The following CFAP54 variants were observed in gnomAD, a reference collection of about 807,000 sequenced individuals.
The protein encoded by CFAP54 is cilia and flagella associated protein 54.
CFAP54 carries 290 observed loss-of-function variants against 370.4 expected under a neutral mutation model. The observed-to-expected ratio is 0.78, with a 90% CI of 0.71 to 0.86. The LOEUF (loss-of-function observed/expected upper bound fraction) is 0.86. Ranked by LOEUF, CFAP54 falls within the 40% of genes least tolerant of loss-of-function variation. The probability of loss-of-function intolerance (pLI) is 0.00; values close to 1 mark genes in which losing one functional copy is unlikely to be tolerated. For missense variants in CFAP54, 3,399 were observed against 3,528.7 expected, an observed-to-expected ratio of 0.96 and a Z score of 0.93; for synonymous variants, 1,206 against 1,236.5, an observed-to-expected ratio of 0.98 and a Z score of 0.52.
intron 2 of CFAP54, among the ~76,000 whole-genome samples, chr12:96,502,230 C>A (rs1301641700): frequency 6.6e-6 from 1 of 151,712 alleles, no homozygotes; most frequent in Non-Finnish European, 1.5e-5. Flanking sequence ...ATTAAAGGAA[C>A]AAAGAAAAAG....
At chr12:96,651,926 A>G (rs1417317825) in intron 36 of CFAP54, 111 bp downstream of exon 36, 6 of 697,940 alleles carry the variant, frequency 8.6e-6, no homozygotes, top group South Asian at 6.3e-5. Context: ...TGGTTTGTCT[A>G]CATTTCATTT....
rs565691450 is a variant in CFAP54, at chr12:96,619,238, C to T, written c.3640-2352C>T. ...ATTTTGATATTTGACTTGATTTTGT[C>T]CCTAATATGTTGAGAATTGCCATTC... On this transcript the variant is annotated intron_variant, in intron 26 of 67. Transcript: ENST00000524981. 2.0e-5 allele frequency among the ~76,000 whole-genome samples: 3 copies of T among 152,202 alleles called. No individual in the cohort carries two copies. In the South Asian group the frequency reaches 6.2e-4, roughly 32 times the overall value.
At chr12:96,828,640 T>C (rs948107321) in intron 65 of CFAP54, among the ~76,000 whole-genome samples, 5 of 152,162 alleles carry the variant, frequency 3.3e-5, no homozygotes, top group Non-Finnish European at 7.3e-5. Flanking sequence ...AGTGTCATCA[T>C]GCTATTGACT....
At chr12:96,591,907 A>AT (rs1956129083) in intron 23 of CFAP54, among the ~76,000 whole-genome samples, 3 of 137,520 alleles carry the variant, frequency 2.2e-5, no homozygotes, top group Non-Finnish European at 4.6e-5. Flanking sequence ...AAAAAAAAGA[A>AT]ATATTTTTTT....
chr12:96,647,458 G>A (rs1245620336), intron 33 of CFAP54, among the ~76,000 whole-genome samples: 2 of 72,320 alleles, frequency 2.8e-5, no homozygotes, highest in South Asian at 4.5e-4. Context: ...GGGCGACAGA[G>A]CGAGACTCTG....
chr12:96,620,141 A>G (rs1201446387), intron 26 of CFAP54, among the ~76,000 whole-genome samples: 1 of 152,196 alleles, frequency 6.6e-6, no homozygotes, highest in African/African-American at 2.4e-5. Context: ...AGCATTAGAT[A>G]GGGCTTCTCA....
chr12:96,716,137 TACTA>T (rs1385926116), intron 48 of CFAP54, among the ~76,000 whole-genome samples: 13 of 152,240 alleles, frequency 8.5e-5, no homozygotes, highest in African/African-American at 3.1e-4. Flanking sequence ...CTTTATTTAG[TACTA>T]ACTTTTTACA....
chr12:96,570,194 G>A (rs564677451), intron 19 of CFAP54, among the ~76,000 whole-genome samples: 5 of 152,062 alleles, frequency 3.3e-5, no homozygotes, highest in South Asian at 2.1e-4. Flanking sequence ...GCATGGTCTC[G>A]AAATCCTGGG....
intron 63 of CFAP54, among the ~76,000 whole-genome samples, chr12:96,807,012 G>C (rs1958889076): frequency 6.6e-6 from 1 of 152,138 alleles, no homozygotes; most frequent in Non-Finnish European, 1.5e-5. Context: ...AGTTTGTGAA[G>C]CACTGGTCTG....
At chr12:96,762,951 G>A (rs1463683173) in intron 58 of CFAP54, among the ~76,000 whole-genome samples, 1 of 151,996 alleles carries the variant, frequency 6.6e-6, no homozygotes, top group African/African-American at 2.4e-5. Context: ...TTTTCTCTGG[G>A]AGTCTTCTAG....
At chr12:96,659,188 G>A (rs934802425) in intron 38 of CFAP54, among the ~76,000 whole-genome samples, 1 of 152,164 alleles carries the variant, frequency 6.6e-6, no homozygotes, top group East Asian at 1.9e-4. Flanking sequence ...AGGTGGGGGG[G>A]TTCTGCCCCA....
chr12:96,819,878 C>T (rs948362689), intron 65 of CFAP54, among the ~76,000 whole-genome samples: 2 of 152,216 alleles, frequency 1.3e-5, no homozygotes, highest in African/African-American at 2.4e-5. Flanking sequence ...TGCTCTCATG[C>T]CTGCTGCATA....
At chr12:96,593,946 A>G (rs1212064720) in intron 24 of CFAP54, among the ~76,000 whole-genome samples, 1 of 152,024 alleles carries the variant, frequency 6.6e-6, no homozygotes, top group Non-Finnish European at 1.5e-5. Flanking sequence ...GCAATATTAT[A>G]GAGATGTTAT....
chr12:96,842,473 A>G (rs893848714), intron 66 of CFAP54, among the ~76,000 whole-genome samples: 3 of 152,098 alleles, frequency 2.0e-5, no homozygotes, highest in African/African-American at 4.8e-5. Flanking sequence ...TGTTCTCCAT[A>G]TTGGCAGTTT....
At chr12:96,621,801 T>C in intron 27 of CFAP54, 80 bp downstream of exon 27, 1 of 1,045,234 alleles carries the variant, frequency 9.6e-7, no homozygotes. Context: ...TTAAACATAT[T>C]AGAAAATTGG....
chr12:96,623,651 A>G, intron 27 of CFAP54, 116 bp from the exon 28 acceptor site: 1 of 607,010 alleles, frequency 1.6e-6, no homozygotes. Flanking sequence ...TATGTAGATC[A>G]TAGTTTTATC....
chr12:96,675,693 A>G (rs1469001931), intron 39 of CFAP54, among the ~76,000 whole-genome samples: 4 of 152,276 alleles, frequency 2.6e-5, no homozygotes, highest in Admixed American at 6.5e-5. Context: ...CAAGCCAAAT[A>G]TCCAACAATG....
intron 1 of CFAP54, among the ~76,000 whole-genome samples, chr12:96,497,586 G>C (rs1051851326): frequency 1.3e-5 from 2 of 152,114 alleles, no homozygotes; most frequent in Non-Finnish European, 2.9e-5. Context: ...CTTGCCAGGC[G>C]TGACCCATGG....
intron 63 of CFAP54, among the ~76,000 whole-genome samples, chr12:96,801,030 T>G (rs541474665): frequency 6.6e-6 from 1 of 152,168 alleles, no homozygotes; most frequent in Non-Finnish European, 1.5e-5. Context: ...AGCTTTGGAG[T>G]TTTCAGGGAC....
Sources: gnomAD v4.1 joint callset for allele counts (sites outside exome capture counted in the v4.1 genomes callset) on GRCh38, gnomAD v4.1.1 for gene constraint, MANE v1.5 for transcripts, NCBI Gene and HGNC (gene_info 2026-07-23, HGNC 2026-07-21) for gene names.